Variants in CALN1 observed in about 807,000 individuals in gnomAD.
CALN1 encodes the protein calcium-binding protein 8.
A neutral mutation model predicts 30.6 loss-of-function variants in CALN1; 17 were observed. The ratio of observed to expected loss-of-function variants is 0.56; its 90% CI spans 0.38 to 0.83. The LOEUF is 0.83. CALN1 is among the 40% of genes least tolerant of loss of function. The probability of loss-of-function intolerance (pLI) is 0.00; values close to 1 mark genes in which losing one functional copy is unlikely to be tolerated. For missense variants in CALN1, 291 were observed against 354.9 expected (o/e 0.82, Z 1.45); for synonymous variants, 156 against 131.4 (o/e 1.19, Z -1.28).
chr7:72,145,923 C>G (rs548299687), intron 3 of CALN1, among the ~76,000 whole-genome samples: 74 of 152,264 alleles, frequency 4.9e-4, no homozygotes, highest in African/African-American at 1.7e-3. Context: ...ATTCAACAGC[C>G]CTTCGTGCTA....
At chr7:72,467,141 C>T in the CALN1 span, among the ~76,000 whole-genome samples, 1 of 152,288 alleles carries the variant, frequency 6.6e-6, no homozygotes, top group East Asian at 1.9e-4. Context: ...GTCACGCACA[C>T]CTCAGATGTG....
intron 2 of CALN1, among the ~76,000 whole-genome samples, chr7:72,345,609 G>A (rs1446015993): frequency 5.9e-5 from 9 of 151,642 alleles, no homozygotes; most frequent in Non-Finnish European, 1.3e-4. Context: ...AGGGAGGAAG[G>A]AACCAAGCAG....
intron 3 of CALN1, among the ~76,000 whole-genome samples, chr7:72,225,799 G>T (rs1338495935): frequency 1.3e-5 from 2 of 152,080 alleles, no homozygotes; most frequent in East Asian, 3.9e-4. Context: ...CTTCTGCAAG[G>T]CAAAAGGGTG....
At chr7:72,265,031 G>A (rs1466553762) in intron 3 of CALN1, among the ~76,000 whole-genome samples, 2 of 152,120 alleles carry the variant, frequency 1.3e-5, no homozygotes, top group Admixed American at 1.3e-4. Context: ...GTAGAGACAG[G>A]GTTTTGTCTC....
chr7:71,920,399 G>C (rs1031673236), intron 5 of CALN1, among the ~76,000 whole-genome samples: 21 of 142,858 alleles, frequency 1.5e-4, no homozygotes, highest in African/African-American at 5.1e-4. Flanking sequence ...GTAGTGGTGC[G>C]ATCTCGGCTC....
At chr7:72,418,742 T>C (rs1807509522) in intron 1 of CALN1, among the ~76,000 whole-genome samples, 1 of 152,174 alleles carries the variant, frequency 6.6e-6, no homozygotes, top group East Asian at 1.9e-4. Context: ...CTGGGTGATG[T>C]GGCTTGCACC....
At chr7:71,818,672 TTTTATTTATTTA>T (rs72244772) in intron 5 of CALN1, among the ~76,000 whole-genome samples, 1,785 of 131,120 alleles carry the variant, frequency 0.014, 20 homozygotes, top group African/African-American at 0.016. Flanking sequence ...GACCAGCTTA[TTTTATTTATTTA>T]TTTATTTATT....
intron 5 of CALN1, among the ~76,000 whole-genome samples, chr7:71,812,743 T>C (rs1227968227): frequency 9.9e-5 from 15 of 151,964 alleles, no homozygotes; most frequent in Non-Finnish European, 8.8e-5. Flanking sequence ...CCATTTCTAT[T>C]TCTAGTTCTA....
chr7:72,055,160 C>G (rs991566775), intron 4 of CALN1, among the ~76,000 whole-genome samples: 5 of 152,116 alleles, frequency 3.3e-5, no homozygotes, highest in African/African-American at 1.2e-4. Flanking sequence ...GATATTATTA[C>G]TATTTCATGT....
chr7:72,159,982 C>A (rs1175558819), intron 3 of CALN1, among the ~76,000 whole-genome samples: 1 of 152,116 alleles, frequency 6.6e-6, no homozygotes, highest in Non-Finnish European at 1.5e-5. Context: ...CAGATGTGGA[C>A]AACTTGGAGG....
chr7:72,394,706 G>A (rs936230566), intron 2 of CALN1, among the ~76,000 whole-genome samples: 2 of 150,714 alleles, frequency 1.3e-5, no homozygotes, highest in African/African-American at 4.9e-5. Flanking sequence ...ATGTTGCCCA[G>A]GCTGAAGTGC....
chr7:72,242,286 A>G (rs1794891606), intron 3 of CALN1, among the ~76,000 whole-genome samples: 1 of 152,208 alleles, frequency 6.6e-6, no homozygotes, highest in Admixed American at 6.5e-5. Flanking sequence ...TATTGTGAAT[A>G]ATGCTGCTAT....
rs188107505 is a variant in CALN1 at position 72,283,196 on chromosome 7, A to G, written c.120-4386T>C. Among the ~76,000 whole-genome samples, 5 of 152,168 alleles carry G rather than the reference A, an allele frequency of 3.3e-5. No individual in the cohort carries two copies. In the East Asian group the frequency reaches 9.7e-4, roughly 29 times the overall value. On this transcript the variant is annotated intron_variant, in intron 2 of 6. Transcript: ENST00000395275. ...CCTCTTCTGTAAAATGGGTTTTAAT[A>G]TATACTGAAGAGAATAGTACTGTTG... is the stretch of plus-strand genomic sequence containing the variant.
At chr7:72,499,764 A>ACTTT in the CALN1 span, among the ~76,000 whole-genome samples, 26 of 140,254 alleles carry the variant, frequency 1.9e-4, 2 homozygotes, top group South Asian at 4.7e-3. Flanking sequence ...CTTCCGCAAA[A>ACTTT]CTTTCTTTCT....
At chr7:72,236,088 A>T (rs1314639856) in intron 3 of CALN1, among the ~76,000 whole-genome samples, 2 of 151,834 alleles carry the variant, frequency 1.3e-5, no homozygotes, top group Non-Finnish European at 2.9e-5. Flanking sequence ...ACAAAAAAAA[A>T]AAAAAAAGAA....
chr7:72,052,297 C>T (rs17144306), intron 4 of CALN1, among the ~76,000 whole-genome samples: 10,269 of 152,152 alleles, frequency 0.067, 1,129 homozygotes, highest in African/African-American at 0.23. Context: ...CCTGATCTGC[C>T]GTCCCGACAA....
chr7:72,071,285 A>T (rs919886474), intron 4 of CALN1, among the ~76,000 whole-genome samples: 3 of 152,158 alleles, frequency 2.0e-5, no homozygotes, highest in African/African-American at 7.2e-5. Flanking sequence ...CTGACCAGAG[A>T]GGTGCAGACA....
intron 5 of CALN1, among the ~76,000 whole-genome samples, chr7:71,855,955 T>C (rs1292854109): frequency 6.6e-6 from 1 of 152,176 alleles, no homozygotes; most frequent in Non-Finnish European, 1.5e-5. Context: ...ACTGATATTA[T>C]GTCTGTGTGC....
chr7:72,163,956 GA>G (rs1285327206), intron 3 of CALN1, among the ~76,000 whole-genome samples: 1 of 151,654 alleles, frequency 6.6e-6, no homozygotes, highest in Non-Finnish European at 1.5e-5. Context: ...AAGAAAGAAA[GA>G]AAAAATGTAA....
Sources: allele counts gnomAD v4.1 joint callset (sites outside exome capture counted in the v4.1 genomes callset), GRCh38; gene constraint gnomAD v4.1.1; transcripts MANE v1.5; gene names NCBI Gene and HGNC (gene_info 2026-07-23, HGNC 2026-07-21).